Variants in CCNB1IP1 observed in about 807,000 individuals in gnomAD.
CCNB1IP1 encodes the protein E3 ubiquitin-protein ligase CCNB1IP1.
CCNB1IP1 carries 14 observed loss-of-function variants against 25.6 expected under a neutral mutation model. The ratio of observed to expected loss-of-function variants is 0.55; its 90% CI spans 0.36 to 0.85. CCNB1IP1 has a LOEUF of 0.85. CCNB1IP1 is among the 40% of genes least tolerant of loss of function. The pLI is 0.01. For synonymous variants in CCNB1IP1, 119 were observed against 116.1 expected (o/e 1.02, Z -0.16); for missense variants, 278 against 342.4 (o/e 0.81, Z 1.48).
intron 3 of CCNB1IP1, 110 bp downstream of exon 3, chr14:20,326,606 A>AT (rs3831250): frequency 2.4e-5 from 11 of 452,484 alleles, no homozygotes; most frequent in South Asian, 3.3e-5. Context: ...AGAACTGGGG[A>AT]TTTTTTTTAA....
chr14:20,311,906 G>C (rs993181833), intron 6 of CCNB1IP1, among the ~76,000 whole-genome samples, 154 bp from the exon 7 acceptor site: 1 of 151,318 alleles, frequency 6.6e-6, no homozygotes, highest in African/African-American at 2.4e-5. Context: ...TTTACCCCAG[G>C]TTAAGAATTT....
intron 3 of CCNB1IP1, among the ~76,000 whole-genome samples, chr14:20,325,984 A>T (rs1883063225): frequency 6.6e-6 from 1 of 152,256 alleles, no homozygotes; most frequent in East Asian, 1.9e-4. Flanking sequence ...TTAAGCAGAA[A>T]CATATTGCTC....
At chr14:20,316,804 C>A (rs1245069914) in intron 4 of CCNB1IP1, among the ~76,000 whole-genome samples, 2 of 152,152 alleles carry the variant, frequency 1.3e-5, no homozygotes, top group East Asian at 3.8e-4. Context: ...ATCTTGCTAA[C>A]GTCAAAAATA....
chr14:20,326,767 G>A lies in CCNB1IP1; in HGVS notation c.-204C>T. On this transcript the variant is annotated 5_prime_UTR_variant, in exon 3 of 7. Coordinates refer to ENST00000358932, the MANE Select transcript of CCNB1IP1 (RefSeq NM_021178.5). ...TATCTAGAAATCCAGTTGAACCACA[G>A]GATCTATCAATTATCTAGGATCATT... The A allele has an allele frequency of 3.3e-5, 9 of 274,348 alleles. No individual in the cohort carries two copies. The highest frequency in any genetic ancestry group is 9.5e-5 in the East Asian group (1 of 10,540). 17.0% of individuals were successfully genotyped at this position (274,348 alleles called of 1,614,324 possible). A position where few individuals can be genotyped will look rare whatever the true frequency, so the allele number is the denominator to read the frequency against.
chr14:20,329,587 C>T (rs1889362), intron 1 of CCNB1IP1, among the ~76,000 whole-genome samples: 46,097 of 151,986 alleles, frequency 0.3, 7,556 homozygotes, highest in African/African-American at 0.42. Flanking sequence ...TCCATTCATC[C>T]GTTGATGGAC....
chr14:20,315,967 AGAGAGAGT>A (rs1329097068), intron 5 of CCNB1IP1: 3 of 462,338 alleles, frequency 6.5e-6, no homozygotes, highest in Non-Finnish European at 1.2e-5. Flanking sequence ...TACAGAAGAG[AGAGAGAGT>A]GTGTGAGTGT....
At chr14:20,318,794 ACT>A (rs1882800489) in intron 4 of CCNB1IP1, among the ~76,000 whole-genome samples, 1 of 151,904 alleles carries the variant, frequency 6.6e-6, no homozygotes, top group African/African-American at 2.4e-5. Flanking sequence ...ATAGGGTCTC[ACT>A]CTGTCGCCCA....
chr14:20,330,255 G>A (rs1271871189), intron 1 of CCNB1IP1, among the ~76,000 whole-genome samples: 4 of 152,124 alleles, frequency 2.6e-5, no homozygotes, highest in Admixed American at 2.6e-4. Flanking sequence ...CTTGCGTTGG[G>A]AGCTAAATCT....
At chr14:20,321,946 A>G (rs900506317) in intron 4 of CCNB1IP1, among the ~76,000 whole-genome samples, 1 of 152,196 alleles carries the variant, frequency 6.6e-6, no homozygotes, top group African/African-American at 2.4e-5. Flanking sequence ...AGCATATAGG[A>G]CAGTATACTT....
At chr14:20,323,646 AG>A (rs1447796196) in intron 4 of CCNB1IP1, among the ~76,000 whole-genome samples, 1 of 152,080 alleles carries the variant, frequency 6.6e-6, no homozygotes. Context: ...TAAGAACTAG[AG>A]GCCGGGCGTG....
intron 6 of CCNB1IP1, among the ~76,000 whole-genome samples, chr14:20,312,928 A>G (rs1882547876): frequency 1.3e-5 from 2 of 152,184 alleles, no homozygotes; most frequent in Non-Finnish European, 2.9e-5. Context: ...ACAACTTAAG[A>G]ACTGTACAAT....
chr14:20,315,524 A>T, intron 5 of CCNB1IP1: 1 of 1,174,266 alleles, frequency 8.5e-7, no homozygotes, highest in Non-Finnish European at 1.1e-6. Context: ...CAGATGACAA[A>T]CATCCTTAAG....
chr14:20,311,711 T>C lies in CCNB1IP1; in HGVS notation c.673A>G (p.Asn225Asp). 1.2e-6 allele frequency: 2 copies of C among 1,614,116 alleles called. No individual in the cohort carries two copies. The highest frequency in any genetic ancestry group is 1.1e-5 in the South Asian group (1 of 91,078). The change falls in exon 7 of 7, where the codon AAT becomes GAT. Residue 225 changes from asparagine (N) to aspartate (D), a missense_variant. Asn to Asp is a conservative substitution (Grantham distance 23). Transcript: ENST00000358932. Reference protein sequence around the residue: ...KFPLDNTPVRNRGDGDGDFQF... With the variant: ...KFPLDNTPVRDRGDGDGDFQF... ...AAATCTCCATCTCCATCGCCCCGAT[T>C]TCGAACAGGTGTATTATCCAAAGGA...
intron 5 of CCNB1IP1, chr14:20,315,546 T>C (rs532472907): frequency 1.3e-4 from 162 of 1,248,130 alleles, no homozygotes; most frequent in Non-Finnish European, 1.5e-4. Context: ...AGTATAAGTG[T>C]ATATGTAAGA....
chr14:20,311,505 C>T lies in CCNB1IP1; in HGVS notation c.*45G>A. On this transcript the variant is annotated 3_prime_UTR_variant, in exon 7 of 7. Transcript: ENST00000358932. Reference sequence around the variant, plus strand: ...GCTCAAGTGATCCTCCCAGCCTCAACCTCCTAAGTAGCTGGGATCACAGGT... The same window carrying T: ...GCTCAAGTGATCCTCCCAGCCTCAATCTCCTAAGTAGCTGGGATCACAGGT... The T allele has an allele frequency of 6.5e-7, 1 of 1,540,076 alleles. No individual in the cohort carries two copies. Among genetic ancestry groups the T allele is most frequent in the Non-Finnish European group, 9.0e-7 (1 of 1,115,016 alleles).
intron 6 of CCNB1IP1, 120 bp from the exon 7 acceptor site, chr14:20,311,872 GA>G (rs970088864): frequency 3.7e-6 from 2 of 543,124 alleles, no homozygotes; most frequent in Non-Finnish European, 5.8e-6. Context: ...ATTTGTCTTA[GA>G]AAAAAACAGA....
chr14:20,332,007 T>TATATATATATATGATGTGTATAC (rs1309372277), intron 1 of CCNB1IP1, among the ~76,000 whole-genome samples: 8 of 68,330 alleles, frequency 1.2e-4, no homozygotes, highest in African/African-American at 3.7e-4. Context: ...TGTGTATACA[T>TATATATATATATGATGTGTATAC]ATATATATAT....
At chr14:20,332,026 A>ATATATATATTTTTTTTT (rs59034398) in intron 1 of CCNB1IP1, among the ~76,000 whole-genome samples, 1 of 40,750 alleles carries the variant, frequency 2.5e-5, no homozygotes, top group African/African-American at 8.7e-5. Flanking sequence ...ATATATATAT[A>ATATATATATTTTTTTTT]TTTTTTTTTT....
chr14:20,331,354 G>A (rs897879167), intron 1 of CCNB1IP1, among the ~76,000 whole-genome samples: 1 of 152,112 alleles, frequency 6.6e-6, no homozygotes, highest in African/African-American at 2.4e-5. Flanking sequence ...ACCAAAGTGG[G>A]CAAAGATATA....
Sources: allele counts gnomAD v4.1 joint callset (sites outside exome capture counted in the v4.1 genomes callset), GRCh38; gene constraint gnomAD v4.1.1; transcripts MANE v1.5; gene names NCBI Gene and HGNC (gene_info 2026-07-23, HGNC 2026-07-21).